The following EXOC6B variants were observed in gnomAD, a reference collection of about 807,000 sequenced individuals.
The protein encoded by EXOC6B is exocyst complex component 6B, also known as SEC15 homolog B.
EXOC6B carries 54 observed loss-of-function variants against 113.5 expected under a neutral mutation model. That is an observed-to-expected ratio of 0.48 (90% CI 0.38 to 0.60). The LOEUF is 0.60. Ranked by LOEUF, EXOC6B falls within the 20% of genes least tolerant of loss-of-function variation. EXOC6B has a pLI of 0.00. For missense variants in EXOC6B, 797 were observed against 977.5 expected (o/e 0.82, Z 2.46); for synonymous variants, 357 against 339.0 (o/e 1.05, Z -0.58).
chr2:72,367,434 A>C (rs1690698767), intron 19 of EXOC6B, among the ~76,000 whole-genome samples: 1 of 152,212 alleles, frequency 6.6e-6, no homozygotes, highest in African/African-American at 2.4e-5. Context: ...CATACTGAAA[A>C]TTACATTCAG....
rs1254305016 is a variant in EXOC6B at position 72,352,486 on chromosome 2, T to C, written c.2123-17466A>G. Among the ~76,000 whole-genome samples the C allele has an allele frequency of 2.0e-5, 3 of 152,106 alleles. No individual in the cohort carries two copies. The East Asian group carries it at 5.8e-4, about 29-fold the overall frequency. On this transcript the variant is annotated intron_variant, in intron 19 of 21. Transcript: ENST00000272427. ...TGAGAATGCTAAGGTGATATTTGGG[T>C]TTTTTTCTCTCTCTCCTTTTCTTTC...
At chr2:72,551,599 G>T (rs1470810191) in intron 8 of EXOC6B, among the ~76,000 whole-genome samples, 1 of 151,758 alleles carries the variant, frequency 6.6e-6, no homozygotes. Context: ...CCGCCTCCCG[G>T]GTTCACGCCA....
intron 6 of EXOC6B, among the ~76,000 whole-genome samples, chr2:72,700,855 G>A (rs1170341064): frequency 6.6e-6 from 1 of 152,182 alleles, no homozygotes; most frequent in Non-Finnish European, 1.5e-5. Context: ...GGAGGCTGAG[G>A]CAAGAGAATC....
chr2:72,638,452 C>T (rs1672997218), intron 6 of EXOC6B, among the ~76,000 whole-genome samples: 1 of 151,996 alleles, frequency 6.6e-6, no homozygotes, highest in Non-Finnish European at 1.5e-5. Flanking sequence ...TGGTATAATC[C>T]AAACAGATCT....
intron 20 of EXOC6B, among the ~76,000 whole-genome samples, chr2:72,255,726 A>C (rs531051591): frequency 1.3e-5 from 2 of 152,298 alleles, no homozygotes; most frequent in African/African-American, 4.8e-5. Context: ...CCCATATCTA[A>C]CGTAGATGAT....
intron 6 of EXOC6B, among the ~76,000 whole-genome samples, chr2:72,641,992 G>C (rs1343072808): frequency 6.6e-6 from 1 of 152,208 alleles, no homozygotes; most frequent in Middle Eastern, 3.2e-3. Flanking sequence ...TGCAGCTGAG[G>C]GTCCTGACTG....
At chr2:72,217,034 C>CAA (rs11442630) in intron 20 of EXOC6B, among the ~76,000 whole-genome samples, 5,242 of 119,872 alleles carry the variant, frequency 0.044, 129 homozygotes, top group Non-Finnish European at 0.058. Flanking sequence ...GACTCCATAT[C>CAA]AAAAAAAAAA....
In EXOC6B at chr2:72,814,373, A is replaced by T. The variant is rs145218343; in HGVS notation, c.113+11425T>A. Among the ~76,000 whole-genome samples, 827 of 152,338 alleles carry T rather than the reference A, an allele frequency of 5.4e-3. 9 individuals carry two copies. Among genetic ancestry groups the T allele is most frequent in the Non-Finnish European group, 5.6e-3 (382 of 68,036 alleles). On this transcript the variant is annotated intron_variant, in intron 1 of 21. Coordinates refer to ENST00000272427, the MANE Select transcript of EXOC6B (RefSeq NM_015189.3). Reference sequence around the variant, plus strand: ...GTTGCTTTTGTTTTTGCTTTTATGTAATAATTAATCAATTATCAAACCACA... The same window carrying T: ...GTTGCTTTTGTTTTTGCTTTTATGTTATAATTAATCAATTATCAAACCACA...
At position 72,560,867 on chromosome 2, in the gene EXOC6B, A is replaced by G. The variant is rs1435403814; in HGVS notation, c.847-1346T>C. Among the ~76,000 whole-genome samples, 4 of 151,934 alleles carry G rather than the reference A, an allele frequency of 2.6e-5. No individual in the cohort carries two copies. In the East Asian group the frequency reaches 7.7e-4, roughly 29 times the overall value. ...TAAAAAAAAAAAAAAGTTTAAGAAG[A>G]GGTAATGAGCATTGCAAATTACTGA... is the stretch of plus-strand genomic sequence containing the variant. On this transcript the variant is annotated intron_variant, in intron 7 of 21. Coordinates refer to ENST00000272427, the MANE Select transcript of EXOC6B (RefSeq NM_015189.3).
chr2:72,298,677 C>T lies in EXOC6B; in HGVS notation c.2196+36270G>A, dbSNP rs188156356. Among the ~76,000 whole-genome samples the T allele has an allele frequency of 6.5e-3, 989 of 152,230 alleles. 12 individuals carry two copies. The highest frequency in any genetic ancestry group is 0.022 in the African/African-American group (898 of 41,538). On this transcript the variant is annotated intron_variant, in intron 20 of 21. Coordinates refer to ENST00000272427, the MANE Select transcript of EXOC6B (RefSeq NM_015189.3). ...CCTTCAGGAGCTCTTGTAAGGCAGG[C>T]CTGGTGGTGACAAAATCTCAGCATT...
chr2:72,211,127 C>T (rs1479953145), intron 20 of EXOC6B, among the ~76,000 whole-genome samples: 6 of 152,134 alleles, frequency 3.9e-5, no homozygotes, highest in Admixed American at 6.5e-5. Flanking sequence ...ACTGCCTGGG[C>T]GCCTGCAACC....
Position 72,510,841 on chromosome 2 carries a change from A to G in EXOC6B, c.1167+2291T>C, listed in dbSNP as rs1558746687. On this transcript the variant is annotated intron_variant, in intron 11 of 21. Coordinates refer to ENST00000272427, the MANE Select transcript of EXOC6B (RefSeq NM_015189.3). ...ATCCGAAGACAATGGGTGCACTACC[A>G]CTACAAAAAAAATGAGATCCTTAAT... Among the ~76,000 whole-genome samples, 3 of 152,126 alleles carry G rather than the reference A, an allele frequency of 2.0e-5. No individual in the cohort carries two copies. The South Asian group carries it at 6.2e-4, about 32-fold the overall frequency.
chr2:72,401,622 C>CGT lies in EXOC6B; in HGVS notation c.1981-21753_1981-21752insAC, dbSNP rs1693293322. On this transcript the variant is annotated intron_variant, in intron 18 of 21. Coordinates refer to ENST00000272427, the MANE Select transcript of EXOC6B (RefSeq NM_015189.3). The stretch of plus-strand genomic sequence containing the variant: ...ATATATGTGTATATATATATATATA[C>CGT]ATATATATATATATACATATATACA... Among the ~76,000 whole-genome samples the CGT allele has an allele frequency of 1.4e-4, 2 of 14,498 alleles. 1 individual carries two copies. The highest frequency in any genetic ancestry group is 7.2e-4 in the African/African-American group (2 of 2,780). The allele number at this position is 14,498 out of a possible 152,430, so 9.5% of individuals were successfully genotyped here.
At chr2:72,434,147 A>G (rs1695714072) in intron 18 of EXOC6B, among the ~76,000 whole-genome samples, 1 of 152,230 alleles carries the variant, frequency 6.6e-6, no homozygotes, top group Non-Finnish European at 1.5e-5. Context: ...CCTTTTCTGC[A>G]TCCATTGAGA....
At chr2:72,407,979 C>G (rs563662462) in intron 18 of EXOC6B, among the ~76,000 whole-genome samples, 73 of 152,188 alleles carry the variant, frequency 4.8e-4, no homozygotes, top group Non-Finnish European at 8.5e-4. Flanking sequence ...TCGTCTCAGC[C>G]CAAAATCTCC....
intron 1 of EXOC6B, among the ~76,000 whole-genome samples, chr2:72,790,254 A>G (rs1202904916): frequency 6.6e-6 from 1 of 152,230 alleles, no homozygotes; most frequent in African/African-American, 2.4e-5. Flanking sequence ...GATGGAAAAT[A>G]CTGAATACAA....
intron 20 of EXOC6B, among the ~76,000 whole-genome samples, chr2:72,207,966 C>T (rs545240233): frequency 1.7e-4 from 26 of 152,224 alleles, no homozygotes; most frequent in Admixed American, 5.9e-4. Flanking sequence ...TCTCATTTTT[C>T]GGTTCAAACA....
intron 8 of EXOC6B, among the ~76,000 whole-genome samples, chr2:72,540,731 G>A (rs181890682): frequency 2.4e-4 from 36 of 152,238 alleles, no homozygotes; most frequent in Non-Finnish European, 4.9e-4. Flanking sequence ...TCCATTACCC[G>A]TTAGGTAAAT....
At chr2:72,215,661 T>TA (rs35029382) in intron 20 of EXOC6B, among the ~76,000 whole-genome samples, 1 of 152,094 alleles carries the variant, frequency 6.6e-6, no homozygotes. Context: ...TGTTAACAAC[T>TA]AAAAGCTGAG....
Sources: gnomAD v4.1 joint callset for allele counts (sites outside exome capture counted in the v4.1 genomes callset) on GRCh38, gnomAD v4.1.1 for gene constraint, MANE v1.5 for transcripts, NCBI Gene and HGNC (gene_info 2026-07-23, HGNC 2026-07-21) for gene names.